The following ZNF362 variants were observed in gnomAD, a reference collection of about 807,000 sequenced individuals.
ZNF362 encodes the protein zinc finger protein 362.
In ZNF362, 11 loss-of-function variants were observed where a neutral mutation model predicts 42.9. The ratio of observed to expected loss-of-function variants is 0.26; its 90% CI spans 0.16 to 0.42. ZNF362 has a LOEUF of 0.42. Among genes scored for constraint, ZNF362 ranks in the 20% least tolerant of loss-of-function variants. The probability of loss-of-function intolerance (pLI) is 1.00; values close to 1 mark genes in which losing one functional copy is unlikely to be tolerated. For synonymous variants in ZNF362, 255 were observed against 257.3 expected (o/e 0.99, Z 0.09); for missense variants, 362 against 576.2 (o/e 0.63, Z 3.81).
At chr1:33,297,449 G>T (rs899262592) in intron 8 of ZNF362, among the ~76,000 whole-genome samples, 1 of 150,228 alleles carries the variant, frequency 6.7e-6, no homozygotes, top group Non-Finnish European at 1.5e-5. Flanking sequence ...TCAAATACCC[G>T]TTCAGCATTG....
chr1:33,267,522 A>G (rs771788126), intron 1 of ZNF362, among the ~76,000 whole-genome samples: 14 of 152,084 alleles, frequency 9.2e-5, no homozygotes, highest in South Asian at 4.1e-4. Context: ...AGTGGTTTCA[A>G]TCCTTCCTTT....
chr1:33,234,806 G>A, the ZNF362 span, among the ~76,000 whole-genome samples: 39 of 152,216 alleles, frequency 2.6e-4, no homozygotes, highest in Admixed American at 2.6e-3. Context: ...CCCTTCCAGA[G>A]CAGGCATTCT....
At chr1:33,293,942 T>A (rs1646098438) in intron 6 of ZNF362, among the ~76,000 whole-genome samples, 1 of 152,192 alleles carries the variant, frequency 6.6e-6, no homozygotes, top group Non-Finnish European at 1.5e-5. Flanking sequence ...TAAAACTGTA[T>A]CCCTCCTTCC....
the ZNF362 span, among the ~76,000 whole-genome samples, chr1:33,218,298 G>T: frequency 3.0e-4 from 46 of 152,248 alleles, no homozygotes; most frequent in East Asian, 8.1e-3. Flanking sequence ...AAAATTAGCT[G>T]GGCATGGTGG....
the ZNF362 span, among the ~76,000 whole-genome samples, chr1:33,143,488 C>A: frequency 6.6e-6 from 1 of 152,142 alleles, no homozygotes; most frequent in East Asian, 1.9e-4. Context: ...CTCAGAATCA[C>A]CCCAGTCACT....
At chr1:33,293,104 GCTC>G (rs1411487080) in intron 6 of ZNF362, among the ~76,000 whole-genome samples, 2 of 152,204 alleles carry the variant, frequency 1.3e-5, no homozygotes, top group African/African-American at 4.8e-5. Flanking sequence ...AGTGGGGTTG[GCTC>G]TGTGGTGAGG....
At chr1:33,241,363 C>G in the ZNF362 span, among the ~76,000 whole-genome samples, 4 of 151,512 alleles carry the variant, frequency 2.6e-5, no homozygotes, top group African/African-American at 7.3e-5. Flanking sequence ...GGTGTGGGGG[C>G]GGGTGCCTGT....
intron 6 of ZNF362, among the ~76,000 whole-genome samples, chr1:33,282,827 G>GAAA (rs11332548): frequency 7.5e-6 from 1 of 132,954 alleles, no homozygotes; most frequent in Non-Finnish European, 1.6e-5. Context: ...TGTCTCAAGA[G>GAAA]AAAAAAAAAA....
chr1:33,130,734 A>G, the ZNF362 span, among the ~76,000 whole-genome samples: 1 of 152,254 alleles, frequency 6.6e-6, no homozygotes, highest in African/African-American at 2.4e-5. Context: ...TTTGTTAGGC[A>G]GCAATAGATA....
At position 33,271,043 on chromosome 1, in the gene ZNF362, T is replaced by A. The variant is rs113137257; in HGVS notation, c.38+431T>A. The stretch of plus-strand genomic sequence containing the variant: ...AGGCGCAGCCCCTGCCTCTCTGCTC[T>A]GCTCCCCAGGGGCCTCCCACTGCCT... On this transcript the variant is annotated intron_variant, in intron 2 of 8. Transcript: ENST00000539719. Among the ~76,000 whole-genome samples, 110 of 152,300 alleles carry A rather than the reference T, an allele frequency of 7.2e-4. 1 individual carries two copies. The highest frequency in any genetic ancestry group is 2.5e-3 in the African/African-American group (103 of 41,562).
At chr1:33,240,899 C>T in the ZNF362 span, among the ~76,000 whole-genome samples, 1 of 152,188 alleles carries the variant, frequency 6.6e-6, no homozygotes, top group African/African-American at 2.4e-5. Context: ...TCTCACTTTG[C>T]TGGTGGCAGA....
intron 4 of ZNF362, 129 bp downstream of exon 4, chr1:33,276,723 C>A: frequency 1.7e-6 from 2 of 1,174,562 alleles, no homozygotes; most frequent in Non-Finnish European, 2.2e-6. Flanking sequence ...AGGGGTAGGG[C>A]ATAAAGCTTG....
chr1:33,150,613 G>A, the ZNF362 span, among the ~76,000 whole-genome samples: 1 of 152,202 alleles, frequency 6.6e-6, no homozygotes, highest in African/African-American at 2.4e-5. Flanking sequence ...AAGAGAGGAC[G>A]GCCACTGAGT....
chr1:33,193,004 C>CACACATAT, the ZNF362 span, among the ~76,000 whole-genome samples: 5 of 137,294 alleles, frequency 3.6e-5, no homozygotes, highest in East Asian at 9.0e-4. Flanking sequence ...CACACACACA[C>CACACATAT]ATATATATAT....
chr1:33,290,736 A>G (rs1363095782), intron 6 of ZNF362, among the ~76,000 whole-genome samples: 55 of 152,060 alleles, frequency 3.6e-4, no homozygotes, highest in Admixed American at 3.6e-3. Context: ...TTGTTTCCTG[A>G]CTTTTTAATG....
intron 8 of ZNF362, among the ~76,000 whole-genome samples, 165 bp downstream of exon 8, chr1:33,295,470 C>T (rs1277807643): frequency 6.6e-6 from 1 of 152,186 alleles, no homozygotes; most frequent in Non-Finnish European, 1.5e-5. Flanking sequence ...AGGGGAGAAC[C>T]AGAGCTTTTG....
chr1:33,282,394 T>G lies in ZNF362; in HGVS notation c.908+583T>G, dbSNP rs150810664. On this transcript the variant is annotated intron_variant, in intron 6 of 8. Transcript: ENST00000539719. Reference sequence around the variant, plus strand: ...CATTTAACAAATACTTATAGAAACTTTTACTCTATGCCAGACACTATTCTA... The same window carrying G: ...CATTTAACAAATACTTATAGAAACTGTTACTCTATGCCAGACACTATTCTA... Among the ~76,000 whole-genome samples, 4 of 152,324 alleles carry G rather than the reference T, an allele frequency of 2.6e-5. No homozygotes were observed. The East Asian group carries it at 7.7e-4, about 29-fold the overall frequency.
intron 6 of ZNF362, among the ~76,000 whole-genome samples, chr1:33,286,436 A>G (rs6672814): frequency 0.99 from 149,888 of 150,960 alleles, 74,418 homozygotes; most frequent in Non-Finnish European, 1. Flanking sequence ...GGAGAGGAGA[A>G]TATTTTGCCA....
the ZNF362 span, among the ~76,000 whole-genome samples, chr1:33,232,499 A>C: frequency 6.6e-6 from 1 of 152,108 alleles, no homozygotes; most frequent in African/African-American, 2.4e-5. Flanking sequence ...CCTGACAAGT[A>C]ATCTGCCTGC....
Sources: gnomAD v4.1 joint callset for allele counts (sites outside exome capture counted in the v4.1 genomes callset) on GRCh38, gnomAD v4.1.1 for gene constraint, MANE v1.5 for transcripts, NCBI Gene and HGNC (gene_info 2026-07-23, HGNC 2026-07-21) for gene names.